PRKCB: variants seen among roughly 807,000 people sequenced by gnomAD.
PRKCB encodes protein kinase C beta type.
A neutral mutation model predicts 81.5 loss-of-function variants in PRKCB; 13 were observed. The ratio of observed to expected loss-of-function variants is 0.16; its 90% confidence interval spans 0.10 to 0.25. The LOEUF (loss-of-function observed/expected upper bound fraction) is 0.25, where lower values mean the gene tolerates loss of function less well. Ranked by LOEUF, PRKCB falls within the 10% of genes least tolerant of loss-of-function variation. The pLI, the probability that PRKCB is intolerant of heterozygous loss-of-function variation, is 1.00. For synonymous variants in PRKCB, 335 were observed against 321.4 expected, an observed-to-expected ratio of 1.04 and a Z score of -0.45; for missense variants, 509 against 875.7, an observed-to-expected ratio of 0.58 and a Z score of 5.29.
At chr16:24,046,319 T>G (rs1965764081) in intron 5 of PRKCB, among the ~76,000 whole-genome samples, 1 of 152,224 alleles carries the variant, frequency 6.6e-6, no homozygotes, top group Non-Finnish European at 1.5e-5. Context: ...AAGTATTTGT[T>G]GGGGGCCTCC....
chr16:23,856,000 C>T (rs77744441), intron 2 of PRKCB, among the ~76,000 whole-genome samples: 40 of 152,262 alleles, frequency 2.6e-4, no homozygotes, highest in African/African-American at 2.2e-4. Context: ...GGGTTCACTG[C>T]GTGCTTCTAT....
chr16:23,839,222 G>GA (rs2141072794), intron 2 of PRKCB, among the ~76,000 whole-genome samples: 1 of 150,934 alleles, frequency 6.6e-6, no homozygotes, highest in Non-Finnish European at 1.5e-5. Flanking sequence ...GATGTTAAGA[G>GA]AAAAAGGCAG....
intron 7 of PRKCB, among the ~76,000 whole-genome samples, chr16:24,109,306 C>A (rs1168823058): frequency 2.8e-5 from 2 of 71,882 alleles, no homozygotes; most frequent in South Asian, 5.1e-4. Flanking sequence ...ACCTCCCTCC[C>A]GGATGGGGTG....
chr16:23,880,649 C>T (rs1037858019), intron 2 of PRKCB, among the ~76,000 whole-genome samples: 3 of 152,030 alleles, frequency 2.0e-5, no homozygotes, highest in Non-Finnish European at 4.4e-5. Context: ...AGAATTTTCT[C>T]TGGGATCCCC....
chr16:23,968,425 T>A (rs953815955), intron 2 of PRKCB, among the ~76,000 whole-genome samples: 28 of 152,012 alleles, frequency 1.8e-4, no homozygotes, highest in African/African-American at 6.5e-4. Flanking sequence ...GAGGGAATAG[T>A]TTGGAGCCTA....
At chr16:23,968,540 G>A (rs1009343341) in intron 2 of PRKCB, among the ~76,000 whole-genome samples, 11 of 152,172 alleles carry the variant, frequency 7.2e-5, no homozygotes, top group Admixed American at 2.6e-4. Context: ...GGAAGAGGGG[G>A]AAGAAACACC....
chr16:23,890,301 A>G (rs1005706238), intron 2 of PRKCB, among the ~76,000 whole-genome samples: 4 of 152,178 alleles, frequency 2.6e-5, no homozygotes, highest in African/African-American at 7.2e-5. Flanking sequence ...AGTCAATTGT[A>G]AGAAGCTGCT....
In PRKCB at chr16:23,962,595, T is replaced by G. The variant is rs146874658; in HGVS notation, c.206-25913T>G. Among the ~76,000 whole-genome samples, 294 of 152,326 alleles carry G rather than the reference T, an allele frequency of 1.9e-3. 2 individuals carry two copies. Among genetic ancestry groups the G allele is most frequent in the African/African-American group, 6.5e-3 (269 of 41,564 alleles). On this transcript the variant is annotated intron_variant, in intron 2 of 16. Coordinates refer to ENST00000643927, the MANE Select transcript of PRKCB (RefSeq NM_002738.7). ...GCCTTCATCTCGTCTACCACAGCAC[T>G]TCTCACTCAGACTCCAATGACTGGC...
At chr16:23,955,713 G>A (rs1964340579) in intron 2 of PRKCB, among the ~76,000 whole-genome samples, 1 of 152,152 alleles carries the variant, frequency 6.6e-6, no homozygotes, top group African/African-American at 2.4e-5. Context: ...CGAGACCTTG[G>A]ATGTGTCCTT....
intron 10 of PRKCB, among the ~76,000 whole-genome samples, chr16:24,169,082 A>G (rs1323285075): frequency 1.3e-5 from 2 of 152,054 alleles, no homozygotes; most frequent in Non-Finnish European, 2.9e-5. Flanking sequence ...CGCATATGTT[A>G]TCCTCATTTT....
intron 12 of PRKCB, among the ~76,000 whole-genome samples, chr16:24,179,541 G>A (rs1411403598): frequency 6.6e-6 from 1 of 152,340 alleles, no homozygotes; most frequent in East Asian, 1.9e-4. Flanking sequence ...TGACATTGGA[G>A]TAGGTGTTTA....
chr16:24,062,300 C>T (rs1251717835), intron 5 of PRKCB, among the ~76,000 whole-genome samples: 1 of 152,176 alleles, frequency 6.6e-6, no homozygotes, highest in African/African-American at 2.4e-5. Flanking sequence ...GACAGGGATG[C>T]CTTGGCCATT....
rs116397521 is a variant in PRKCB, at chr16:23,876,505, T to C, written c.205+39099T>C. ...AACAAAACACACACTAAAAAGGAAATGGGGTTAGTCCGATATGTCTCCATC... is the reference window on the plus strand; with the variant it reads ...AACAAAACACACACTAAAAAGGAAACGGGGTTAGTCCGATATGTCTCCATC... On this transcript the variant is annotated intron_variant, in intron 2 of 16. Transcript: ENST00000643927. 6.6e-3 allele frequency among the ~76,000 whole-genome samples: 998 copies of C among 152,094 alleles called. 10 individuals are homozygous for C. Among genetic ancestry groups the C allele is most frequent in the African/African-American group, 0.023 (954 of 41,498 alleles).
intron 3 of PRKCB, among the ~76,000 whole-genome samples, chr16:23,992,014 C>T (rs1964892280): frequency 6.6e-6 from 1 of 152,110 alleles, no homozygotes; most frequent in Admixed American, 6.5e-5. Flanking sequence ...GGGGAAGAGC[C>T]CTCATAAATG....
At chr16:23,858,535 T>A (rs1290048062) in intron 2 of PRKCB, among the ~76,000 whole-genome samples, 1 of 64,064 alleles carries the variant, frequency 1.6e-5, no homozygotes, top group African/African-American at 7.1e-5. Flanking sequence ...AATACTTCCA[T>A]CAAACTGTTT....
chr16:23,916,777 T>G lies in PRKCB; in HGVS notation c.206-71731T>G, dbSNP rs111598713. On this transcript the variant is annotated intron_variant, in intron 2 of 16. Transcript: ENST00000643927. ...TATAGAACATCCTCATTCTTTTTTT[T>G]GAAACAGAGTCTGGCTTTGTCACCC... Among the ~76,000 whole-genome samples the G allele has an allele frequency of 1.2e-3, 180 of 152,232 alleles. 1 individual carries two copies. The highest frequency in any genetic ancestry group is 4.1e-3 in the African/African-American group (169 of 41,534).
rs145643949 is a variant in PRKCB at position 23,943,435 on chromosome 16, G to A, written c.206-45073G>A. ...TCCCAGCTACTTGGGAGGCTGAGGCGGGAGGATCACTGGAGCCCAGGAGGT... is the reference window on the plus strand; with the variant it reads ...TCCCAGCTACTTGGGAGGCTGAGGCAGGAGGATCACTGGAGCCCAGGAGGT... On this transcript the variant is annotated intron_variant, in intron 2 of 16. Transcript: ENST00000643927. Among the ~76,000 whole-genome samples the A allele has an allele frequency of 4.5e-3, 690 of 152,216 alleles. 8 individuals carry two copies. The highest frequency in any genetic ancestry group is 0.015 in the African/African-American group (625 of 41,524).
intron 6 of PRKCB, among the ~76,000 whole-genome samples, chr16:24,093,191 G>C (rs185384836): frequency 7.9e-4 from 120 of 152,298 alleles, no homozygotes; most frequent in African/African-American, 2.7e-3. Flanking sequence ...CTGTGGTGTG[G>C]GGGAGTGGGT....
chr16:23,882,240 C>T (rs1005978835), intron 2 of PRKCB, among the ~76,000 whole-genome samples: 5 of 151,396 alleles, frequency 3.3e-5, no homozygotes, highest in Non-Finnish European at 7.4e-5. Flanking sequence ...CTACCATGCC[C>T]GGTTAATTTT....
Sources: allele counts gnomAD v4.1 joint callset (sites outside exome capture counted in the v4.1 genomes callset), GRCh38; gene constraint gnomAD v4.1.1; transcripts MANE v1.5; gene names NCBI Gene and HGNC (gene_info 2026-07-23, HGNC 2026-07-21).